The following ATXN10 variants were observed in gnomAD, a reference collection of about 807,000 sequenced individuals.
ATXN10 encodes the protein ataxin-10.
Under a neutral mutation model 52.9 loss-of-function variants are expected in ATXN10, and 28 were observed. The ratio of observed to expected loss-of-function variants is 0.53; its 90% CI spans 0.39 to 0.73. The LOEUF (loss-of-function observed/expected upper bound fraction) is 0.73, where lower values mean the gene tolerates loss of function less well. Ranked by LOEUF, ATXN10 falls within the 30% of genes least tolerant of loss-of-function variation. ATXN10 has a pLI of 0.00. For missense variants in ATXN10, 565 were observed against 577.0 expected (o/e 0.98, Z 0.21); for synonymous variants, 226 against 221.5 (o/e 1.02, Z -0.18).
chr22:45,694,798 C>T (rs1420581519), intron 3 of ATXN10, among the ~76,000 whole-genome samples: 1 of 148,324 alleles, frequency 6.7e-6, no homozygotes, highest in African/African-American at 2.5e-5. Flanking sequence ...AAAAAAGAAC[C>T]GGGCATGGTG....
At position 45,837,049 on chromosome 22, in the gene ATXN10, T is replaced by C. The variant is rs1314228394; in HGVS notation, c.1238-5942T>C. On this transcript the variant is annotated intron_variant, in intron 10 of 11. Transcript: ENST00000252934. This position sits in a 1 kb window ranked among gnomAD's most constrained non-coding sequence, Gnocchi z 5.8. ...GCAGCACACAAATCCCTTGCCTTCA[T>C]GGGTTTGTTATCTAAAAAGAGTTTT... Among the ~76,000 whole-genome samples, 1 of 152,176 alleles carries C rather than the reference T, an allele frequency of 6.6e-6. No individual in the cohort carries two copies. The highest frequency in any genetic ancestry group is 1.9e-4 in the East Asian group (1 of 5,198).
intron 10 of ATXN10, among the ~76,000 whole-genome samples, chr22:45,830,693 A>G (rs1226328563): frequency 6.7e-6 from 1 of 150,104 alleles, no homozygotes; most frequent in Non-Finnish European, 1.5e-5. Flanking sequence ...ATACAAAACA[A>G]GAAAAAAAAA....
Position 45,705,937 on chromosome 22 carries a change from G to A in ATXN10, c.647+3090G>A, listed in dbSNP as rs926831349. 6.6e-6 allele frequency among the ~76,000 whole-genome samples: 1 copy of A among 152,130 alleles called. No individual in the cohort carries two copies. Among genetic ancestry groups the A allele is most frequent in the African/African-American group, 2.4e-5 (1 of 41,412 alleles). On this transcript the variant is annotated intron_variant, in intron 5 of 11. Transcript: ENST00000252934. This position sits in a 1 kb window ranked among gnomAD's most constrained non-coding sequence, Gnocchi z 5.2. ...GGCAAGCAAGCATTCCTGCCTGAGCGCCACTTCTTGTCAGATCATCAGCCA... is the reference window on the plus strand; with the variant it reads ...GGCAAGCAAGCATTCCTGCCTGAGCACCACTTCTTGTCAGATCATCAGCCA...
At chr22:45,767,685 A>T (rs981043511) in intron 9 of ATXN10, among the ~76,000 whole-genome samples, 1 of 152,192 alleles carries the variant, frequency 6.6e-6, no homozygotes, top group Admixed American at 6.5e-5. Flanking sequence ...AAGAAAGAAA[A>T]AAAAGGGAGA....
Position 45,697,141 on chromosome 22 carries a change from AT to A in ATXN10, c.392-3130del, listed in dbSNP as rs999635169. Among the ~76,000 whole-genome samples the A allele has an allele frequency of 5.3e-3, 786 of 149,658 alleles. 11 individuals carry two copies. Among genetic ancestry groups the A allele is most frequent in the African/African-American group, 0.018 (750 of 40,900 alleles). On this transcript the variant is annotated intron_variant, in intron 3 of 11. Transcript: ENST00000252934. ...CCATCTCTACCTAATTAAAAAAAAA[AT>A]TTTTTTTTTTGAGACGGAGTTTGCT... is the stretch of plus-strand genomic sequence containing the variant.
At position 45,794,365 on chromosome 22, in the gene ATXN10, T is replaced by C. The variant is rs529767545; in HGVS notation, c.1174-12594T>C. On this transcript the variant is annotated intron_variant, in intron 9 of 11. Coordinates refer to ENST00000252934, the MANE Select transcript of ATXN10 (RefSeq NM_013236.4). ...TATCTATTTCATCTAGATTTTCACA[T>C]TTTTTTCATAAAATTGTTCATATTT... 2.1e-4 allele frequency among the ~76,000 whole-genome samples: 32 copies of C among 152,238 alleles called. 1 individual carries two copies. The highest frequency in any genetic ancestry group is 1.8e-3 in the Admixed American group (27 of 15,300).
intron 6 of ATXN10, among the ~76,000 whole-genome samples, chr22:45,721,686 A>G (rs1363199298): frequency 6.6e-6 from 1 of 152,150 alleles, no homozygotes; most frequent in Non-Finnish European, 1.5e-5. Context: ...AGGTAGCATC[A>G]CCGTTATGTA....
At chr22:45,693,486 A>G (rs1923466507) in intron 3 of ATXN10, among the ~76,000 whole-genome samples, 1 of 152,186 alleles carries the variant, frequency 6.6e-6, no homozygotes, top group Admixed American at 6.5e-5. Flanking sequence ...GGTGGAAGGC[A>G]GAAGGCATAA....
rs138025546 is a variant in ATXN10, at chr22:45,760,571, G to A, written c.1173+20033G>A. On this transcript the variant is annotated intron_variant, in intron 9 of 11. Coordinates refer to ENST00000252934, the MANE Select transcript of ATXN10 (RefSeq NM_013236.4). ...GAAGCCTTGATCAGAAGCTAGGAAG[G>A]CTTCTGATCAAGATTTGTGGTGTCA... 41 of 154,034 alleles carry A rather than the reference G, an allele frequency of 2.7e-4. 1 individual carries two copies. The East Asian group carries it at 6.5e-3, about 24-fold the overall frequency. 9.5% of individuals were successfully genotyped at this position (154,034 alleles called of 1,614,324 possible). A position where few individuals can be genotyped will look rare whatever the true frequency, so the allele number is the denominator to read the frequency against.
In ATXN10 at chr22:45,824,206, A is replaced by G. The variant is rs1471260980; in HGVS notation, c.1237+17184A>G. Among the ~76,000 whole-genome samples the G allele has an allele frequency of 2.0e-5, 3 of 152,054 alleles. No homozygotes were observed. Among genetic ancestry groups the G allele is most frequent in the African/African-American group, 7.2e-5 (3 of 41,390 alleles). ...TTCTAATATCCCACACTGCCCCTGC[A>G]GCTCACAGAGACCTGCACATACTGT... On this transcript the variant is annotated intron_variant, in intron 10 of 11. Transcript: ENST00000252934. This position sits in a 1 kb window ranked among gnomAD's most constrained non-coding sequence, Gnocchi z 5.2.
In ATXN10 at chr22:45,819,398, C is replaced by T. The variant is rs1928576933; in HGVS notation, c.1237+12376C>T. 6.6e-6 allele frequency among the ~76,000 whole-genome samples: 1 copy of T among 152,186 alleles called. No homozygotes were observed. The highest frequency in any genetic ancestry group is 1.5e-5 in the Non-Finnish European group (1 of 68,032). On this transcript the variant is annotated intron_variant, in intron 10 of 11. Transcript: ENST00000252934. The surrounding 1 kb of genome is among the most constrained non-coding windows in gnomAD (Gnocchi z 4.5). ...AAATGCTGCCTCTGTGGGTAGGAAG[C>T]ACACTCTGATTCCACTGAGCCTGTC...
At chr22:45,704,048 C>CT (rs1923942793) in intron 5 of ATXN10, 1 of 151,800 alleles carries the variant, frequency 6.6e-6, no homozygotes, top group African/African-American at 2.4e-5. Context: ...CTATGTGGAG[C>CT]TGTTCCCCTA....
intron 6 of ATXN10, among the ~76,000 whole-genome samples, chr22:45,719,235 T>C (rs2146775387): frequency 6.6e-6 from 1 of 152,316 alleles, no homozygotes; most frequent in African/African-American, 2.4e-5. Flanking sequence ...ACTACAGATC[T>C]AGTGATGAAA....
chr22:45,772,351 TG>T lies in ATXN10; in HGVS notation c.1173+31814del, dbSNP rs1470856068. Among the ~76,000 whole-genome samples, 30 of 152,372 alleles carry T rather than the reference TG, an allele frequency of 2.0e-4. No homozygotes were observed. Among genetic ancestry groups the T allele is most frequent in the African/African-American group, 6.3e-4 (26 of 41,594 alleles). ...GACTATCCTTTTTTGTTCATTGAAT[TG>T]CTTTTGCACCTTTGTCAAAGATCAA... On this transcript the variant is annotated intron_variant, in intron 9 of 11. Coordinates refer to ENST00000252934, the MANE Select transcript of ATXN10 (RefSeq NM_013236.4). The surrounding 1 kb of genome is among the most constrained non-coding windows in gnomAD (Gnocchi z 4.1).
At chr22:45,831,531 A>G (rs1337015678) in intron 10 of ATXN10, among the ~76,000 whole-genome samples, 1 of 152,236 alleles carries the variant, frequency 6.6e-6, no homozygotes, top group Non-Finnish European at 1.5e-5. Context: ...TGTCTGTTTA[A>G]CAGTAATATC....
At chr22:45,685,604 G>A (rs545418182) in intron 1 of ATXN10, among the ~76,000 whole-genome samples, 55 of 152,310 alleles carry the variant, frequency 3.6e-4, no homozygotes, top group Admixed American at 9.1e-4. Flanking sequence ...AGTGAACGTA[G>A]ATTTTGCAGA....
intron 9 of ATXN10, among the ~76,000 whole-genome samples, chr22:45,761,928 A>G (rs866416067): frequency 6.6e-5 from 10 of 152,326 alleles, no homozygotes; most frequent in Middle Eastern, 3.4e-3. Context: ...AAAAAAACAC[A>G]TCTGACTGGG....
chr22:45,693,998 T>C (rs540810383), intron 3 of ATXN10, among the ~76,000 whole-genome samples: 11 of 152,294 alleles, frequency 7.2e-5, no homozygotes, highest in African/African-American at 2.2e-4. Context: ...GTCCAGGTTT[T>C]GGGTGTGATT....
In ATXN10 at chr22:45,780,581, C is replaced by G. The variant is rs11702933; in HGVS notation, c.1174-26378C>G. 0.12 allele frequency among the ~76,000 whole-genome samples: 18,604 copies of G among 152,208 alleles called. 1,479 individuals carry two copies. Among genetic ancestry groups the G allele is most frequent in the Middle Eastern group, 0.21 (61 of 294 alleles). The stretch of plus-strand genomic sequence containing the variant: ...AATGGGATAACAGGAAGTCCTGCCT[C>G]AGAGGCTCATAGGGAGGATTAGGTC... On this transcript the variant is annotated intron_variant, in intron 9 of 11. Transcript: ENST00000252934. The surrounding 1 kb of genome is among the most constrained non-coding windows in gnomAD (Gnocchi z 4.0).
Sources: gnomAD v4.1 joint callset for allele counts (sites outside exome capture counted in the v4.1 genomes callset) on GRCh38, gnomAD v4.1.1 for gene constraint, Gnocchi (gnomAD v3.1) non-coding constraint, MANE v1.5 for transcripts, NCBI Gene and HGNC (gene_info 2026-07-23, HGNC 2026-07-21) for gene names.